SET: variants seen among roughly 807,000 people sequenced by gnomAD.
SET encodes protein SET.
Under a neutral mutation model 39.0 loss-of-function variants are expected in SET, and 4 were observed. The observed-to-expected ratio is 0.10, with a 90% CI of 0.05 to 0.23. The LOEUF is 0.23. SET is among the 10% of genes least tolerant of loss of function. The pLI is 1.00. For missense variants in SET, 137 were observed against 329.7 expected (o/e 0.42, Z 4.53); for synonymous variants, 114 against 115.9 (o/e 0.98, Z 0.11).
chr9:128,691,785 A>G (rs1388016327), intron 2 of SET, 73 bp from the exon 3 acceptor site: 4 of 1,417,686 alleles, frequency 2.8e-6, no homozygotes, highest in African/African-American at 1.4e-5. Flanking sequence ...AAGTAAATAC[A>G]CTCTGTAATC....
chr9:128,691,913 C>T lies in SET; in HGVS notation c.187C>T (p.Leu63Phe), dbSNP rs1861549799. 6.2e-7 allele frequency: 1 copy of T among 1,613,602 alleles called. No homozygotes were observed. The highest frequency in any genetic ancestry group is 1.7e-5 in the Admixed American group (1 of 59,970). ...ILKVEQKYNK[L>F]RQPFFQKRSE... ...GAAAGTAGAACAGAAATATAACAAA[C>T]TCCGCCAACCATTTTTTCAGAAGAG... is the stretch of plus-strand genomic sequence containing the variant. Residue 63 changes from leucine (L) to phenylalanine (F), a missense_variant, in exon 3 of 8, where the codon CTC (leucine) becomes TTC (phenylalanine). Physicochemically the swap from Leu to Phe is conservative, Grantham distance 22. Around this residue, in one of 3 missense-constraint regions of SET, gnomAD observed 59 missense variants for 237.2 expected, o/e 0.25. Transcript: ENST00000322030.
At chr9:128,693,035 G>A in intron 5 of SET, 54 bp downstream of exon 5, 1 of 1,200,484 alleles carries the variant, frequency 8.3e-7, no homozygotes, top group Non-Finnish European at 1.2e-6. Flanking sequence ...TTTCAGTTTA[G>A]TTTTAACCAC....
Position 128,694,909 on chromosome 9 carries a change from C to T in SET, c.*245C>T, listed in dbSNP as rs1428983355. 1 of 374,598 alleles carries T rather than the reference C, an allele frequency of 2.7e-6. No individual in the cohort carries two copies. The highest frequency in any genetic ancestry group is 2.1e-5 in the African/African-American group (1 of 47,808). 23.2% of individuals were successfully genotyped at this position (374,598 alleles called of 1,614,324 possible). ...GAAGTTCATTTTTATCCCTTCCTGT[C>T]TGAACAAAAACTGTATGGAATCAAC... On this transcript the variant is annotated 3_prime_UTR_variant, in exon 8 of 8. Coordinates refer to ENST00000322030, the MANE Select transcript of SET (RefSeq NM_003011.4).
Position 128,692,017 on chromosome 9 carries a change from G to C in SET, c.274+17G>C. 1 of 1,612,508 alleles carries C rather than the reference G, an allele frequency of 6.2e-7. No homozygotes were observed. Among genetic ancestry groups the C allele is most frequent in the East Asian group, 2.2e-5 (1 of 44,858 alleles). Reference sequence around the variant, plus strand: ...ATCCACAAGGTATGTTTTGGACAGGGCATTGTTAAAGGATAAACAGTGTTT... The same window carrying C: ...ATCCACAAGGTATGTTTTGGACAGGCCATTGTTAAAGGATAAACAGTGTTT... On this transcript the variant is annotated intron_variant, in intron 3 of 7. Coordinates refer to ENST00000322030, the MANE Select transcript of SET (RefSeq NM_003011.4).
At chr9:128,685,079 A>T, upstream of SET, 2 of 1,535,590 alleles carry the variant, frequency 1.3e-6, no homozygotes, top group Non-Finnish European at 1.8e-6. Context: ...GGCAACTCTT[A>T]TGGAAGAAGC....
At chr9:128,686,543 C>A (rs962238466), upstream of SET, among the ~76,000 whole-genome samples, 1 of 152,100 alleles carries the variant, frequency 6.6e-6, no homozygotes, top group East Asian at 1.9e-4. Flanking sequence ...AGGAGCGGGT[C>A]GTGAAATCAA....
In SET at chr9:128,691,133, T is replaced by C. The variant is rs1189642586; in HGVS notation, c.74-37T>C. The C allele has an allele frequency of 3.3e-6, 5 of 1,537,802 alleles. No homozygotes were observed. In the Admixed American group the frequency reaches 8.8e-5, roughly 27 times the overall value. On this transcript the variant is annotated intron_variant, in intron 1 of 7. Transcript: ENST00000322030. ...TTAACATCTGGAAAACTAGGTAAAT[T>C]TATCTTAGAATTAAGTTTTTTGCTC...
chr9:128,683,574 T>G (rs892187161), upstream of SET: 13 of 273,560 alleles, frequency 4.8e-5, no homozygotes, highest in Non-Finnish European at 7.5e-5. Flanking sequence ...GCTGCGGGGG[T>G]TTCACGTGAA....
intron 1 of SET, among the ~76,000 whole-genome samples, chr9:128,690,893 A>G (rs769583431): frequency 6.6e-6 from 1 of 152,254 alleles, no homozygotes; most frequent in African/African-American, 2.4e-5. Context: ...CTTTCATAGT[A>G]GAAACCTTAA....
chr9:128,687,637 A>G (rs1049651778), upstream of SET, among the ~76,000 whole-genome samples: 6 of 149,596 alleles, frequency 4.0e-5, no homozygotes, highest in Admixed American at 6.6e-5. Flanking sequence ...AAAAAAAAAA[A>G]AGAGCCAATG....
intron 5 of SET, among the ~76,000 whole-genome samples, chr9:128,693,258 C>T (rs1020045389): frequency 6.6e-6 from 1 of 152,100 alleles, no homozygotes; most frequent in African/African-American, 2.4e-5. Flanking sequence ...AAATCTAGCC[C>T]AAGTTTAAGA....
upstream of SET, among the ~76,000 whole-genome samples, chr9:128,686,401 C>G (rs1412701429): frequency 6.6e-6 from 1 of 152,116 alleles, no homozygotes; most frequent in East Asian, 1.9e-4. Flanking sequence ...CCCTGGGACC[C>G]CTGCAGGTGC....
intron 2 of SET, 101 bp downstream of exon 2, chr9:128,691,328 G>T: frequency 1.3e-6 from 1 of 757,388 alleles, no homozygotes; most frequent in Non-Finnish European, 2.2e-6. Flanking sequence ...TGTCAAAGGG[G>T]AAATGATTCT....
upstream of SET, chr9:128,685,311 G>A (rs2132234382): frequency 2.0e-6 from 2 of 1,012,778 alleles, no homozygotes; most frequent in East Asian, 2.6e-5. Flanking sequence ...AATCTAAGGG[G>A]AGCACTAGAC....
chr9:128,683,868 G>A, exon 1 of SET: 2 of 1,531,124 alleles, frequency 1.3e-6, no homozygotes, highest in South Asian at 1.2e-5. Flanking sequence ...GGAGACTCGT[G>A]GTCTGGTTCT....
chr9:128,685,118 A>G, upstream of SET: 2 of 1,560,030 alleles, frequency 1.3e-6, no homozygotes, highest in Non-Finnish European at 1.7e-6. Context: ...CTCAGGGCTC[A>G]GTGTGGACCT....
Position 128,689,497 on chromosome 9 carries a change from T to C in SET, c.-86T>C. 1.5e-6 allele frequency: 1 copy of C among 665,988 alleles called. No individual in the cohort carries two copies. The highest frequency in any genetic ancestry group is 2.1e-6 in the Non-Finnish European group (1 of 479,128). 41.3% of individuals were successfully genotyped at this position (665,988 alleles called of 1,614,324 possible). A position where few individuals can be genotyped will look rare whatever the true frequency, so the allele number is the denominator to read the frequency against. On this transcript the variant is annotated 5_prime_UTR_variant, in exon 1 of 8. Transcript: ENST00000322030. ...CGGACCGAGCGGGCGCCCGCGCGTG[T>C]GGCGTGAGGGGAAGCCGCTTGCCCG...
chr9:128,693,506 AATAATGGTAGCGTAG>A, intron 5 of SET, 117 bp from the exon 6 acceptor site: 1 of 936,482 alleles, frequency 1.1e-6, no homozygotes, highest in Non-Finnish European at 1.6e-6. Context: ...GCTCTTAGGT[AATAATGGTAGCGTAG>A]ATAGTATACT....
In SET at chr9:128,689,533, CT is replaced by C; in HGVS notation, c.-48del. 1 of 1,007,058 alleles carries C rather than the reference CT, an allele frequency of 9.9e-7. No individual in the cohort carries two copies. Among genetic ancestry groups the C allele is most frequent in the Non-Finnish European group, 1.3e-6 (1 of 745,230 alleles). The allele number at this position is 1,007,058 out of a possible 1,614,324, so 62.4% of individuals were successfully genotyped here. A position where few individuals can be genotyped will look rare whatever the true frequency, so the allele number is the denominator to read the frequency against. On this transcript the variant is annotated 5_prime_UTR_variant, in exon 1 of 8. Transcript: ENST00000322030. ...GAAGCCGCTTGCCCGCCCCCTTCGC[CT>C]TCCCTTCTCTCCCCCTCCCCGCTCC...
Sources: gnomAD v4.1 joint callset for allele counts (sites outside exome capture counted in the v4.1 genomes callset) on GRCh38, gnomAD v4.1.1 for gene constraint, gnomAD v4.1.1 regional missense constraint, MANE v1.5 for transcripts, NCBI Gene and HGNC (gene_info 2026-07-23, HGNC 2026-07-21) for gene names.